The following CSMD1 variants were observed in gnomAD, a reference collection of about 807,000 sequenced individuals.
CSMD1 encodes CUB and Sushi multiple domains 1.
Under a neutral mutation model 417.5 loss-of-function variants are expected in CSMD1, and 213 were observed. That is an observed-to-expected ratio of 0.51 (90% confidence interval 0.46 to 0.57). The LOEUF (loss-of-function observed/expected upper bound fraction) is 0.57. CSMD1 is among the 20% of genes least tolerant of loss of function. The pLI is 0.00. For missense variants in CSMD1, 6,923 were observed against 4,529.7 expected (o/e 1.53, Z -15.17); for synonymous variants, 2,862 against 1,736.8 (o/e 1.65, Z -16.11).
intron 3 of CSMD1, among the ~76,000 whole-genome samples, chr8:4,369,310 G>A (rs1437053768): frequency 2.6e-5 from 4 of 152,034 alleles, no homozygotes; most frequent in Non-Finnish European, 4.4e-5. Flanking sequence ...ATTTGTGGTT[G>A]TTATGAATTG....
At chr8:4,846,940 G>C (rs1014222132) in intron 1 of CSMD1, among the ~76,000 whole-genome samples, 3 of 151,950 alleles carry the variant, frequency 2.0e-5, no homozygotes, top group African/African-American at 7.3e-5. Flanking sequence ...GCTATTCATT[G>C]GGAGAAAAAG....
At chr8:4,624,277 C>T (rs1801967021) in intron 2 of CSMD1, among the ~76,000 whole-genome samples, 1 of 152,104 alleles carries the variant, frequency 6.6e-6, no homozygotes, top group African/African-American at 2.4e-5. Flanking sequence ...GCAACACAAG[C>T]TATAGTAGGG....
Position 3,386,138 on chromosome 8 carries a change from T to A in CSMD1, c.2782+1356A>T, listed in dbSNP as rs568764113. On this transcript the variant is annotated intron_variant, in intron 18 of 69. Transcript: ENST00000635120. ...CCCTAGACAAATGGAGTTGATGTAT[T>A]AGAATTATAACCAATAGCAGGAAAA... Among the ~76,000 whole-genome samples, 4 of 152,282 alleles carry A rather than the reference T, an allele frequency of 2.6e-5. No homozygotes were observed. In the East Asian group the frequency reaches 7.7e-4, roughly 29 times the overall value.
intron 3 of CSMD1, among the ~76,000 whole-genome samples, chr8:4,319,583 G>C (rs1196809228): frequency 6.6e-6 from 1 of 152,132 alleles, no homozygotes; most frequent in Non-Finnish European, 1.5e-5. Context: ...TTGAATAACA[G>C]GAAATACAGA....
At chr8:3,215,068 T>C (rs561922884) in intron 29 of CSMD1, among the ~76,000 whole-genome samples, 1 of 152,366 alleles carries the variant, frequency 6.6e-6, no homozygotes, top group Non-Finnish European at 1.5e-5. Flanking sequence ...GTTCATTTTC[T>C]AACTTTTGTA....
At chr8:4,097,498 C>T (rs1801079738) in intron 3 of CSMD1, among the ~76,000 whole-genome samples, 1 of 152,254 alleles carries the variant, frequency 6.6e-6, no homozygotes, top group Non-Finnish European at 1.5e-5. Context: ...TTTAGATTCC[C>T]TTTGAATGTC....
chr8:3,293,940 TC>T (rs1311745126), intron 25 of CSMD1, among the ~76,000 whole-genome samples: 1 of 152,182 alleles, frequency 6.6e-6, no homozygotes, highest in Non-Finnish European at 1.5e-5. Context: ...CTCTGTTTTT[TC>T]CCCATCTTTG....
intron 3 of CSMD1, among the ~76,000 whole-genome samples, chr8:4,083,752 A>G (rs1800269981): frequency 6.6e-6 from 1 of 152,210 alleles, no homozygotes; most frequent in African/African-American, 2.4e-5. Context: ...AAGAAAACCT[A>G]GGCATTACCA....
intron 26 of CSMD1, among the ~76,000 whole-genome samples, chr8:3,266,797 A>T (rs1218659494): frequency 6.6e-6 from 1 of 151,218 alleles, no homozygotes. Context: ...AAAAAAAAAA[A>T]AAGGACCACC....
intron 10 of CSMD1, among the ~76,000 whole-genome samples, chr8:3,528,879 T>A (rs1360054925): frequency 6.6e-6 from 1 of 152,234 alleles, no homozygotes; most frequent in Non-Finnish European, 1.5e-5. Flanking sequence ...CTGTATGTAT[T>A]ATAACTGTGC....
chr8:3,890,570 C>G (rs537504386), intron 5 of CSMD1, among the ~76,000 whole-genome samples: 2 of 152,038 alleles, frequency 1.3e-5, no homozygotes, highest in African/African-American at 4.8e-5. Context: ...ATAGGTAACA[C>G]ATAAGGTTTT....
intron 18 of CSMD1, among the ~76,000 whole-genome samples, chr8:3,373,182 A>G (rs2116727176): frequency 6.6e-6 from 1 of 152,312 alleles, no homozygotes; most frequent in South Asian, 2.1e-4. Context: ...AAAACAATCA[A>G]TCTTTATTTT....
Position 3,850,867 on chromosome 8 carries a change from G to T in CSMD1, c.819-96825C>A, listed in dbSNP as rs542899067. On this transcript the variant is annotated intron_variant, in intron 5 of 69. Coordinates refer to ENST00000635120, the MANE Select transcript of CSMD1 (RefSeq NM_033225.6). ...ATAGATACTCTACAGACTCAAGAAA[G>T]AATTTATTTCAGCATTATTATCACA... Among the ~76,000 whole-genome samples the T allele has an allele frequency of 1.2e-4, 19 of 152,174 alleles. 1 individual carries two copies. The highest frequency in any genetic ancestry group is 6.2e-4 in the South Asian group (3 of 4,820).
intron 3 of CSMD1, among the ~76,000 whole-genome samples, chr8:4,320,536 G>A (rs935462404): frequency 1.3e-5 from 2 of 151,876 alleles, no homozygotes; most frequent in African/African-American, 4.8e-5. Context: ...AGGCCCCAGT[G>A]GGTGATGTTC....
intron 27 of CSMD1, among the ~76,000 whole-genome samples, chr8:3,227,030 T>C (rs963315255): frequency 6.6e-6 from 1 of 152,154 alleles, no homozygotes; most frequent in Non-Finnish European, 1.5e-5. Flanking sequence ...GTGTGGTGTT[T>C]TCTGTGAGTC....
chr8:3,245,000 G>A (rs1224491557), intron 26 of CSMD1, among the ~76,000 whole-genome samples: 1 of 152,176 alleles, frequency 6.6e-6, no homozygotes, highest in African/African-American at 2.4e-5. Flanking sequence ...TCCTCAAGAG[G>A]GAGATTCTGA....
At chr8:3,056,457 T>C (rs1424781574) in intron 49 of CSMD1, among the ~76,000 whole-genome samples, 1 of 152,136 alleles carries the variant, frequency 6.6e-6, no homozygotes, top group Non-Finnish European at 1.5e-5. Flanking sequence ...AGCCTCAATC[T>C]CCTGAACTCA....
intron 5 of CSMD1, among the ~76,000 whole-genome samples, chr8:3,908,828 G>A (rs187342871): frequency 1.4e-3 from 215 of 152,270 alleles, no homozygotes; most frequent in Non-Finnish European, 1.7e-3. Context: ...CTCTATGTGA[G>A]GACCAACGAC....
At chr8:3,691,427 A>T (rs1034535819) in intron 7 of CSMD1, among the ~76,000 whole-genome samples, 1 of 152,182 alleles carries the variant, frequency 6.6e-6, no homozygotes. Context: ...AAACTGTGTC[A>T]ATGAAGAGAA....
Sources: gnomAD v4.1 joint callset for allele counts (sites outside exome capture counted in the v4.1 genomes callset) on GRCh38, gnomAD v4.1.1 for gene constraint, MANE v1.5 for transcripts, NCBI Gene and HGNC (gene_info 2026-07-23, HGNC 2026-07-21) for gene names.